Variants in NAALADL2 observed in about 807,000 individuals in gnomAD.
NAALADL2 encodes the protein N-acetylated alpha-linked acidic dipeptidase like 2.
A neutral mutation model predicts 87.2 loss-of-function variants in NAALADL2; 76 were observed. The observed-to-expected ratio is 0.87, with a 90% confidence interval of 0.72 to 1.05. NAALADL2 has a LOEUF of 1.05. Ranked by LOEUF, NAALADL2 falls within the 50% of genes least tolerant of loss-of-function variation. NAALADL2 has a pLI of 0.00. For missense variants in NAALADL2, 1,089 were observed against 945.8 expected, an observed-to-expected ratio of 1.15 and a Z score of -1.99; for synonymous variants, 354 against 331.0, an observed-to-expected ratio of 1.07 and a Z score of -0.75.
chr3:174,771,684 G>T (rs1714582003), intron 3 of NAALADL2, among the ~76,000 whole-genome samples: 1 of 152,206 alleles, frequency 6.6e-6, no homozygotes, highest in Admixed American at 6.5e-5. Flanking sequence ...ATGCATGGAA[G>T]TAGGAGAGTG....
intron 1 of NAALADL2, among the ~76,000 whole-genome samples, chr3:174,505,024 C>T (rs139498238): frequency 2.8e-4 from 43 of 152,176 alleles, no homozygotes; most frequent in South Asian, 1.2e-3. Context: ...CATCAACTCT[C>T]GAAATAGAAT....
intron 2 of NAALADL2, among the ~76,000 whole-genome samples, chr3:174,574,385 T>C (rs758815491): frequency 1.1e-4 from 16 of 152,128 alleles, no homozygotes; most frequent in Non-Finnish European, 2.2e-4. Context: ...TTCTGGAAAA[T>C]TAGATAGTTC....
At chr3:175,436,124 G>C (rs1718621725) in intron 5 of NAALADL2, among the ~76,000 whole-genome samples, 1 of 145,868 alleles carries the variant, frequency 6.9e-6, no homozygotes, top group Non-Finnish European at 1.5e-5. Flanking sequence ...TCTTGCGATA[G>C]TTTACTGAGA....
At chr3:174,584,743 G>A (rs1716528854) in intron 2 of NAALADL2, among the ~76,000 whole-genome samples, 1 of 152,004 alleles carries the variant, frequency 6.6e-6, no homozygotes, top group Non-Finnish European at 1.5e-5. Flanking sequence ...GGTCCTTTGT[G>A]AATTTTTACT....
At chr3:174,543,387 T>C (rs562999803) in intron 1 of NAALADL2, among the ~76,000 whole-genome samples, 43 of 152,328 alleles carry the variant, frequency 2.8e-4, no homozygotes, top group African/African-American at 1.0e-3. Flanking sequence ...TACTTATTCC[T>C]TATTTACAAA....
At chr3:175,744,342 T>C (rs1164237520) in intron 12 of NAALADL2, among the ~76,000 whole-genome samples, 1 of 152,194 alleles carries the variant, frequency 6.6e-6, no homozygotes, top group African/African-American at 2.4e-5. Flanking sequence ...CTTACAGTTA[T>C]ATCAGACTTC....
chr3:175,363,153 T>A (rs1196467990), intron 5 of NAALADL2, among the ~76,000 whole-genome samples: 3 of 147,820 alleles, frequency 2.0e-5, no homozygotes, highest in Non-Finnish European at 4.5e-5. Flanking sequence ...TTAGTTGTGA[T>A]ATCTGCTGTC....
At chr3:174,486,946 A>G (rs1359351698) in intron 1 of NAALADL2, among the ~76,000 whole-genome samples, 1 of 151,940 alleles carries the variant, frequency 6.6e-6, no homozygotes, top group Non-Finnish European at 1.5e-5. Context: ...CTTATGCCCA[A>G]CTTTTGGCCA....
At chr3:175,676,508 G>T (rs1256279093) in intron 11 of NAALADL2, 3 of 152,126 alleles carry the variant, frequency 2.0e-5, no homozygotes, top group African/African-American at 7.2e-5. Context: ...TCCATGATAC[G>T]TACAGAGTTG....
chr3:174,755,865 G>A (rs536714756), intron 3 of NAALADL2, among the ~76,000 whole-genome samples: 15 of 152,030 alleles, frequency 9.9e-5, no homozygotes, highest in Non-Finnish European at 2.1e-4. Flanking sequence ...CTTGCTAATC[G>A]GTTCCCAATA....
In NAALADL2 at chr3:175,053,117, C is replaced by A. The variant is rs139539605; in HGVS notation, c.44-43673C>A. 8.9e-3 allele frequency among the ~76,000 whole-genome samples: 1,360 copies of A among 152,176 alleles called. 31 individuals carry two copies. The highest frequency in any genetic ancestry group is 0.031 in the African/African-American group (1,267 of 41,520). On this transcript the variant is annotated intron_variant, in intron 1 of 13. Transcript: ENST00000454872. ...TTGTTTACAAATAGGTTTTTGAGGG[C>A]GGTATGCCTCAATTTTAGGAGCAGA...
At chr3:175,165,137 A>G (rs1733794412) in intron 2 of NAALADL2, among the ~76,000 whole-genome samples, 2 of 152,202 alleles carry the variant, frequency 1.3e-5, no homozygotes, top group South Asian at 2.1e-4. Context: ...TCTTCTTTCT[A>G]TGAGGCCTTT....
intron 1 of NAALADL2, among the ~76,000 whole-genome samples, chr3:174,508,987 C>A (rs1012244065): frequency 6.6e-6 from 1 of 152,048 alleles, no homozygotes; most frequent in African/African-American, 2.4e-5. Flanking sequence ...CTGGTAAGCT[C>A]ATTTATTAGT....
chr3:175,737,968 T>A (rs1193222606), intron 12 of NAALADL2, among the ~76,000 whole-genome samples: 1 of 152,090 alleles, frequency 6.6e-6, no homozygotes, highest in African/African-American at 2.4e-5. Context: ...CCCACCCTAA[T>A]AATTACCTTC....
chr3:174,942,663 G>A (rs991095641), intron 1 of NAALADL2, among the ~76,000 whole-genome samples: 7 of 151,988 alleles, frequency 4.6e-5, no homozygotes, highest in South Asian at 2.1e-4. Flanking sequence ...TCCTTTTCAG[G>A]GATGCCAGTT....
chr3:175,352,942 T>A (rs567828867), intron 5 of NAALADL2, among the ~76,000 whole-genome samples: 2 of 152,206 alleles, frequency 1.3e-5, no homozygotes, highest in Admixed American at 6.6e-5. Context: ...CTGCCTGGAC[T>A]CCAGCAGGTA....
intron 1 of NAALADL2, among the ~76,000 whole-genome samples, chr3:174,450,020 TAC>T (rs35861742): frequency 0.34 from 50,644 of 148,566 alleles, 8,537 homozygotes; most frequent in South Asian, 0.45. Flanking sequence ...AACACATACA[TAC>T]ACACACACAC....
At chr3:175,677,794 C>T (rs991104089) in intron 11 of NAALADL2, among the ~76,000 whole-genome samples, 1 of 152,138 alleles carries the variant, frequency 6.6e-6, no homozygotes, top group African/African-American at 2.4e-5. Context: ...AGTGAAGGAG[C>T]GAGTTTATGA....
At chr3:175,132,763 A>G (rs1489796238) in intron 2 of NAALADL2, among the ~76,000 whole-genome samples, 1 of 142,768 alleles carries the variant, frequency 7.0e-6, no homozygotes, top group Middle Eastern at 4.1e-3. Context: ...CCTCCCGGAC[A>G]GGGCGGCTCT....
Sources: gnomAD v4.1 joint callset for allele counts (sites outside exome capture counted in the v4.1 genomes callset) on GRCh38, gnomAD v4.1.1 for gene constraint, MANE v1.5 for transcripts, NCBI Gene and HGNC (gene_info 2026-07-23, HGNC 2026-07-21) for gene names.